OR1I1: variants seen among roughly 807,000 people sequenced by gnomAD.
The protein encoded by OR1I1 is olfactory receptor family 1 subfamily I member 1.
For missense variants in OR1I1, 451 were observed against 443.6 expected (o/e 1.02, Z -0.15); for synonymous variants, 171 against 181.4 (o/e 0.94, Z 0.46).
rs933441464 is a variant in OR1I1, at chr19:15,092,248, T to G, written c.*4115T>G. ...AGTTTCCATGATGAGAAGGAGCCTG[T>G]GTTGTTTAAAGAAATCACGGAGACT... On this transcript the variant is annotated 3_prime_UTR_variant, in exon 2 of 2. Coordinates refer to ENST00000641398, the MANE Select transcript of OR1I1 (RefSeq NM_001004713.2). 1 of 151,930 alleles carries G rather than the reference T, an allele frequency of 6.6e-6. No individual in the cohort carries two copies. Among genetic ancestry groups the G allele is most frequent in the African/African-American group, 2.4e-5 (1 of 41,306 alleles). 9.4% of individuals were successfully genotyped at this position (151,930 alleles called of 1,614,324 possible). A position where few individuals can be genotyped will look rare whatever the true frequency, so the allele number is the denominator to read the frequency against.
At chr19:15,086,676 G>A (rs560007384) in intron 1 of OR1I1, among the ~76,000 whole-genome samples, 3 of 151,882 alleles carry the variant, frequency 2.0e-5, no homozygotes, top group South Asian at 4.2e-4. Context: ...GGCTGGTCTC[G>A]AACTCCTGAC....
intron 1 of OR1I1, among the ~76,000 whole-genome samples, chr19:15,085,172 A>ATTTTTT (rs1445498185): frequency 1.1e-3 from 33 of 30,212 alleles, no homozygotes; most frequent in African/African-American, 1.8e-3. Flanking sequence ...ATATATATAT[A>ATTTTTT]TATATTTTTT....
rs1482828758 is a variant in OR1I1 at position 15,087,133 on chromosome 19, A to C, written c.68A>C (p.His23Pro). The change falls in exon 2 of 2, where the codon CAT becomes CCT. Residue 23 changes from histidine to proline, a missense_variant. Transcript: ENST00000641398. ...CAGGGACTCTCAGAAAAGCCAGAGC[A>C]TCAGACCCTCCTCTTCACAATGTTC... Reference protein sequence around the residue: ...FLQGLSEKPEHQTLLFTMFLS... With the variant: ...FLQGLSEKPEPQTLLFTMFLS... 1.2e-6 allele frequency: 2 copies of C among 1,614,156 alleles called. No homozygotes were observed. Among genetic ancestry groups the C allele is most frequent in the South Asian group, 1.1e-5 (1 of 91,082 alleles).
intron 1 of OR1I1, among the ~76,000 whole-genome samples, chr19:15,084,785 A>C (rs1424156052): frequency 1.3e-5 from 2 of 152,014 alleles, no homozygotes; most frequent in Non-Finnish European, 2.9e-5. Flanking sequence ...TGGGGGAAAA[A>C]AAAAGAAAGA....
chr19:15,087,057 A>C lies in OR1I1; in HGVS notation c.-9A>C. On this transcript the variant is annotated 5_prime_UTR_variant, in exon 2 of 2. Transcript: ENST00000641398. ...CTCCCTTTTTGTTCCCACTAGTCACAGACCATACATGGAACCAGAAAAGCA... is the reference window on the plus strand; with the variant it reads ...CTCCCTTTTTGTTCCCACTAGTCACCGACCATACATGGAACCAGAAAAGCA... The C allele has an allele frequency of 6.2e-7, 1 of 1,602,110 alleles. No individual in the cohort carries two copies. Among genetic ancestry groups the C allele is most frequent in the Non-Finnish European group, 8.5e-7 (1 of 1,173,236 alleles).
chr19:15,090,999 T>C lies in OR1I1; in HGVS notation c.*2866T>C, dbSNP rs2046254273. 1 of 152,216 alleles carries C rather than the reference T, an allele frequency of 6.6e-6. No individual in the cohort carries two copies. The highest frequency in any genetic ancestry group is 2.4e-5 in the African/African-American group (1 of 41,452). The allele number at this position is 152,216 out of a possible 1,614,324, so 9.4% of individuals were successfully genotyped here. On this transcript the variant is annotated 3_prime_UTR_variant, in exon 2 of 2. Coordinates refer to ENST00000641398, the MANE Select transcript of OR1I1 (RefSeq NM_001004713.2). ...GTGTCCCAGTACATCCTCTCAAGTTTACAATTGACCATGTGTTCTGGCCAA... is the reference window on the plus strand; with the variant it reads ...GTGTCCCAGTACATCCTCTCAAGTTCACAATTGACCATGTGTTCTGGCCAA...
chr19:15,088,703 GAT>G lies in OR1I1; in HGVS notation c.*572_*573del, dbSNP rs2046242023. ...AGATAGATAGATAGATAGATAGATAGATAGATAGACAGACAGATAGATAGAGA... is the reference window on the plus strand; with the variant it reads ...AGATAGATAGATAGATAGATAGATAGAGATAGACAGACAGATAGATAGAGA... On this transcript the variant is annotated 3_prime_UTR_variant, in exon 2 of 2. Coordinates refer to ENST00000641398, the MANE Select transcript of OR1I1 (RefSeq NM_001004713.2). 1 of 62,608 alleles carries G rather than the reference GAT, an allele frequency of 1.6e-5. No individual in the cohort carries two copies. The highest frequency in any genetic ancestry group is 7.3e-4 in the South Asian group (1 of 1,372). The allele number at this position is 62,608 out of a possible 1,614,324, so 3.9% of individuals were successfully genotyped here. A position where few individuals can be genotyped will look rare whatever the true frequency, so the allele number is the denominator to read the frequency against.
intron 1 of OR1I1, 96 bp from the exon 2 acceptor site, chr19:15,086,957 C>T: frequency 6.9e-7 from 1 of 1,454,816 alleles, no homozygotes; most frequent in East Asian, 2.4e-5. Context: ...ATGGAATTTT[C>T]ACAGAACAGT....
chr19:15,092,134 TC>T lies in OR1I1; in HGVS notation c.*4005del, dbSNP rs745927525. ...TTGGTTTTTGGTTGTTTTTTTTTTT[TC>T]CCCGGAAACTTGTATTCTAGCTGTG... On this transcript the variant is annotated 3_prime_UTR_variant, in exon 2 of 2. Transcript: ENST00000641398. The T allele has an allele frequency of 1.6e-5, 2 of 126,022 alleles. No homozygotes were observed. The highest frequency in any genetic ancestry group is 5.6e-5 in the African/African-American group (2 of 35,596). The allele number at this position is 126,022 out of a possible 1,614,324, so 7.8% of individuals were successfully genotyped here.
At position 15,088,818 on chromosome 19, in the gene OR1I1, T is replaced by TAGATAGAG. The variant is rs2046244303; in HGVS notation, c.*690_*691insGAGAGATA. The TAGATAGAG allele has an allele frequency of 7.1e-6, 1 of 141,504 alleles. No homozygotes were observed. The highest frequency in any genetic ancestry group is 1.6e-5 in the Non-Finnish European group (1 of 63,484). The allele number at this position is 141,504 out of a possible 1,614,324, so 8.8% of individuals were successfully genotyped here. ...ATAGATAGATAGATAGATAGATAGA[T>TAGATAGAG]AGATATACAGATAGATACATAGATA... On this transcript the variant is annotated 3_prime_UTR_variant, in exon 2 of 2. Transcript: ENST00000641398.
Position 15,087,241 on chromosome 19 carries a change from T to G in OR1I1, c.176T>G (p.Met59Arg). The change falls in exon 2 of 2, where the codon ATG becomes AGG. Residue 59 changes from methionine (M) to arginine (R), a missense_variant. Transcript: ENST00000641398. ...IITDSHLHTP[M>R]YFFLFNLSLV... Reference sequence around the variant, plus strand: ...ACGGACTCTCACCTCCACACACCCATGTACTTCTTTCTCTTCAACCTCTCA... The same window carrying G: ...ACGGACTCTCACCTCCACACACCCAGGTACTTCTTTCTCTTCAACCTCTCA... The G allele has an allele frequency of 1.2e-6, 2 of 1,614,036 alleles. No individual in the cohort carries two copies. Among genetic ancestry groups the G allele is most frequent in the Non-Finnish European group, 1.7e-6 (2 of 1,179,978 alleles).
chr19:15,085,151 TATATATATATATATATATATATA>T (rs1428315652), intron 1 of OR1I1, among the ~76,000 whole-genome samples: 543 of 42,728 alleles, frequency 0.013, 43 homozygotes, highest in African/African-American at 0.041. Flanking sequence ...TATATATATA[TATATATATATATATATATATATA>T]TATTTTTTTT....
At chr19:15,082,341 G>A (rs561768076) in intron 1 of OR1I1, 65 bp downstream of exon 1, 1 of 152,460 alleles carries the variant, frequency 6.6e-6, no homozygotes, top group East Asian at 1.9e-4. Flanking sequence ...AGCAGTTGGT[G>A]GAGAAGGAGG....
Position 15,087,928 on chromosome 19 carries a change from TTATC to T in OR1I1, c.866_869del (p.Ile289ThrfsTer8). On this transcript the variant is annotated frameshift_variant, in exon 2 of 2. Transcript: ENST00000641398. LOFTEE classifies it low-confidence loss of function (END_TRUNC). ...GTGTTCATCCCCATGCTCAACCCCT[TTATC>T]TACAGCATACGGAACAAGGATATGA... is the stretch of plus-strand genomic sequence containing the variant. The T allele has an allele frequency of 1.2e-6, 2 of 1,614,046 alleles. No homozygotes were observed. The highest frequency in any genetic ancestry group is 3.3e-5 in the Admixed American group (2 of 60,012).
Position 15,087,497 on chromosome 19 carries a change from G to A in OR1I1, c.432G>A (p.Leu144=). 1 of 1,614,176 alleles carries A rather than the reference G, an allele frequency of 6.2e-7. No individual in the cohort carries two copies. The highest frequency in any genetic ancestry group is 8.5e-7 in the Non-Finnish European group (1 of 1,180,028). Residue 144 remains leucine, a synonymous_variant, in exon 2 of 2, where the codon CTG becomes CTA. Coordinates refer to ENST00000641398, the MANE Select transcript of OR1I1 (RefSeq NM_001004713.2). ...TGTGCTCCCCTGTCTGTGGGCTGCTGCTGGGAGCATCATGGATGATCACCA... is the reference window on the plus strand; with the variant it reads ...TGTGCTCCCCTGTCTGTGGGCTGCTACTGGGAGCATCATGGATGATCACCA... ...VLMCSPVCGL[L]LGASWMITNL...
chr19:15,085,151 TATATATATA>T (rs2046223942), intron 1 of OR1I1, among the ~76,000 whole-genome samples: 12 of 42,744 alleles, frequency 2.8e-4, no homozygotes, highest in African/African-American at 1.1e-3. Context: ...TATATATATA[TATATATATA>T]TATATATATA....
Position 15,088,699 on chromosome 19 carries a change from GATAGATAGATA to G in OR1I1, c.*567_*577del, listed in dbSNP as rs2046241961. The G allele has an allele frequency of 1.4e-5, 1 of 69,830 alleles. No individual in the cohort carries two copies. Among genetic ancestry groups the G allele is most frequent in the Admixed American group, 1.5e-4 (1 of 6,800 alleles). The allele number at this position is 69,830 out of a possible 1,614,324, so 4.3% of individuals were successfully genotyped here. ...AGATAGATAGATAGATAGATAGATA[GATAGATAGATA>G]GACAGACAGATAGATAGAGAGGATA... On this transcript the variant is annotated 3_prime_UTR_variant, in exon 2 of 2. Coordinates refer to ENST00000641398, the MANE Select transcript of OR1I1 (RefSeq NM_001004713.2).
rs1395537647 is a variant in OR1I1, at chr19:15,090,854, TG to T, written c.*2722del. ...ATCTGCCCTCCTCGGCTTCACAAAGTGCTGGGATTGCAGGTGTAAACCACCA... is the reference window on the plus strand; with the variant it reads ...ATCTGCCCTCCTCGGCTTCACAAAGTCTGGGATTGCAGGTGTAAACCACCA... On this transcript the variant is annotated 3_prime_UTR_variant, in exon 2 of 2. Coordinates refer to ENST00000641398, the MANE Select transcript of OR1I1 (RefSeq NM_001004713.2). 6.6e-6 allele frequency: 1 copy of T among 152,254 alleles called. No individual in the cohort carries two copies. Among genetic ancestry groups the T allele is most frequent in the Non-Finnish European group, 1.5e-5 (1 of 68,070 alleles). 9.4% of individuals were successfully genotyped at this position (152,254 alleles called of 1,614,324 possible). A position where few individuals can be genotyped will look rare whatever the true frequency, so the allele number is the denominator to read the frequency against.
Position 15,088,177 on chromosome 19 carries a change from C to T in OR1I1, c.*44C>T, listed in dbSNP as rs569256584. ...GATAAATGTGTCATAAAGAGATGAA[C>T]AAAGTGTATGAGCACCCAAAGGAAA... On this transcript the variant is annotated 3_prime_UTR_variant, in exon 2 of 2. Coordinates refer to ENST00000641398, the MANE Select transcript of OR1I1 (RefSeq NM_001004713.2). 1.3e-6 allele frequency: 2 copies of T among 1,499,234 alleles called. No homozygotes were observed. The highest frequency in any genetic ancestry group is 1.8e-6 in the Non-Finnish European group (2 of 1,120,180). 92.9% of individuals were successfully genotyped at this position (1,499,234 alleles called of 1,614,324 possible).
Sources: gnomAD v4.1 joint callset for allele counts (sites outside exome capture counted in the v4.1 genomes callset) on GRCh38, gnomAD v4.1.1 for gene constraint, MANE v1.5 for transcripts, NCBI Gene and HGNC (gene_info 2026-07-23, HGNC 2026-07-21) for gene names.